The following ATP6V1H variants were observed in gnomAD, a reference collection of about 807,000 sequenced individuals.
ATP6V1H encodes the protein V-type proton ATPase subunit H.
Under a neutral mutation model 71.7 loss-of-function variants are expected in ATP6V1H, and 39 were observed. That is an observed-to-expected ratio of 0.54 (90% CI 0.42 to 0.71). The LOEUF is 0.71. Among genes scored for constraint, ATP6V1H ranks in the 30% least tolerant of loss-of-function variants. The pLI is 0.00. For synonymous variants in ATP6V1H, 192 were observed against 199.3 expected (o/e 0.96, Z 0.31); for missense variants, 509 against 594.9 (o/e 0.86, Z 1.50).
At chr8:53,806,984 C>G in intron 7 of ATP6V1H, 1 of 346,672 alleles carries the variant, frequency 2.9e-6, no homozygotes, top group South Asian at 2.3e-5. Flanking sequence ...CAGGGACTGT[C>G]TGTAATTGCC....
chr8:53,720,482 G>A (rs529148947), intron 13 of ATP6V1H, among the ~76,000 whole-genome samples: 1 of 152,322 alleles, frequency 6.6e-6, no homozygotes, highest in African/African-American at 2.4e-5. Context: ...ATTCTGCTAG[G>A]AGCTAGGGCA....
At chr8:53,751,730 C>T (rs1007552142) in intron 12 of ATP6V1H, among the ~76,000 whole-genome samples, 3 of 151,488 alleles carry the variant, frequency 2.0e-5, no homozygotes, top group Admixed American at 6.6e-5. Context: ...AGTACAGTCG[C>T]GCAGCCTAGG....
At chr8:53,796,782 T>C (rs1585798218) in intron 8 of ATP6V1H, among the ~76,000 whole-genome samples, 1 of 152,328 alleles carries the variant, frequency 6.6e-6, no homozygotes. Flanking sequence ...GGAGAGGATG[T>C]AATGGAAACT....
intron 4 of ATP6V1H, among the ~76,000 whole-genome samples, chr8:53,828,641 T>C (rs1016919489): frequency 6.6e-6 from 1 of 152,174 alleles, no homozygotes; most frequent in Non-Finnish European, 1.5e-5. Flanking sequence ...AATCACTAGA[T>C]TCCTATAAAG....
At chr8:53,783,685 A>G (rs1222843857) in intron 9 of ATP6V1H, among the ~76,000 whole-genome samples, 1 of 152,182 alleles carries the variant, frequency 6.6e-6, no homozygotes, top group Non-Finnish European at 1.5e-5. Flanking sequence ...ATTTAGTGCT[A>G]TAAATTTCCC....
chr8:53,754,646 G>A (rs956355632), intron 12 of ATP6V1H, among the ~76,000 whole-genome samples: 2 of 152,164 alleles, frequency 1.3e-5, no homozygotes, highest in Non-Finnish European at 2.9e-5. Context: ...CCCCTAAAGC[G>A]CAACTTATTG....
chr8:53,779,309 AG>A (rs1235333302), intron 9 of ATP6V1H, among the ~76,000 whole-genome samples: 2 of 152,110 alleles, frequency 1.3e-5, no homozygotes. Flanking sequence ...CAAATTTCAA[AG>A]GATTGAAATC....
At chr8:53,722,093 A>C (rs560328275) in intron 13 of ATP6V1H, among the ~76,000 whole-genome samples, 3 of 152,210 alleles carry the variant, frequency 2.0e-5, no homozygotes, top group Non-Finnish European at 4.4e-5. Flanking sequence ...CACTAATCAA[A>C]TCTTTTCCTT....
intron 9 of ATP6V1H, among the ~76,000 whole-genome samples, 171 bp from the exon 10 acceptor site, chr8:53,772,338 C>T (rs770531403): frequency 6.6e-6 from 1 of 152,126 alleles, no homozygotes; most frequent in Non-Finnish European, 1.5e-5. Context: ...GAGTGTCTGT[C>T]CCATATCAGA....
intron 9 of ATP6V1H, among the ~76,000 whole-genome samples, chr8:53,782,442 C>G (rs1310307107): frequency 1.3e-5 from 2 of 151,824 alleles, no homozygotes; most frequent in Admixed American, 6.6e-5. Flanking sequence ...AGATTTTGGG[C>G]TGAGACAATG....
At position 53,829,091 on chromosome 8, in the gene ATP6V1H, T is replaced by C. The variant is rs550760510; in HGVS notation, c.306+353A>G. 5.2e-4 allele frequency among the ~76,000 whole-genome samples: 79 copies of C among 152,296 alleles called. 1 individual carries two copies. Among genetic ancestry groups the C allele is most frequent in the African/African-American group, 1.8e-3 (75 of 41,560 alleles). On this transcript the variant is annotated intron_variant, in intron 4 of 13. Transcript: ENST00000359530. ...GGCCTAGAACATATGAGCACTGAAA[T>C]GTGTTGACTGATTGAATGAGAAGGA...
At chr8:53,837,698 A>G (rs1811204879) in intron 2 of ATP6V1H, among the ~76,000 whole-genome samples, 3 of 152,136 alleles carry the variant, frequency 2.0e-5, no homozygotes. Flanking sequence ...GCATGATCAG[A>G]CTTGTATTTT....
At chr8:53,735,861 G>A (rs1807184219) in intron 13 of ATP6V1H, among the ~76,000 whole-genome samples, 1 of 152,124 alleles carries the variant, frequency 6.6e-6, no homozygotes, top group South Asian at 2.1e-4. Context: ...AAAGTTGCAG[G>A]TGTTGTTTCT....
At chr8:53,800,433 GA>G (rs1424385044) in intron 8 of ATP6V1H, among the ~76,000 whole-genome samples, 1 of 152,136 alleles carries the variant, frequency 6.6e-6, no homozygotes, top group African/African-American at 2.4e-5. Context: ...AGATTATTCA[GA>G]AGATGAAAAC....
In ATP6V1H at chr8:53,731,975, A is replaced by T. The variant is rs1297861315; in HGVS notation, c.1391+11602T>A. On this transcript the variant is annotated intron_variant, in intron 13 of 13. Coordinates refer to ENST00000359530, the MANE Select transcript of ATP6V1H (RefSeq NM_015941.4). ...TGCAGTGGCTGAACACTGCGAAGGA[A>T]CTGACGCTTGGAGTTGGACATCTGG... 2.6e-5 allele frequency among the ~76,000 whole-genome samples: 4 copies of T among 152,328 alleles called. No individual in the cohort carries two copies. The East Asian group carries it at 7.7e-4, about 29-fold the overall frequency.
chr8:53,814,580 T>G (rs1810386939), intron 6 of ATP6V1H, 82 bp downstream of exon 6: 3 of 760,268 alleles, frequency 3.9e-6, no homozygotes, highest in Non-Finnish European at 6.3e-6. Context: ...ATTTTTGTAA[T>G]TTAACATATT....
At chr8:53,779,271 A>G (rs1394554103) in intron 9 of ATP6V1H, among the ~76,000 whole-genome samples, 1 of 152,082 alleles carries the variant, frequency 6.6e-6, no homozygotes, top group Non-Finnish European at 1.5e-5. Context: ...ACTATGACAG[A>G]CTATAAGACA....
intron 13 of ATP6V1H, among the ~76,000 whole-genome samples, chr8:53,731,945 A>T (rs1432536487): frequency 6.6e-6 from 1 of 152,236 alleles, no homozygotes; most frequent in African/African-American, 2.4e-5. Context: ...CCCACGGAGG[A>T]TCAATGCAGT....
At chr8:53,828,732 T>C (rs553373231) in intron 4 of ATP6V1H, among the ~76,000 whole-genome samples, 7 of 152,086 alleles carry the variant, frequency 4.6e-5, no homozygotes, top group Non-Finnish European at 7.4e-5. Flanking sequence ...TGGTGAAAAT[T>C]AGGCCATCAA....
Sources: allele counts gnomAD v4.1 joint callset (sites outside exome capture counted in the v4.1 genomes callset), GRCh38; gene constraint gnomAD v4.1.1; transcripts MANE v1.5; gene names NCBI Gene and HGNC (gene_info 2026-07-23, HGNC 2026-07-21).